Variants in NXPE4 observed in about 807,000 individuals in gnomAD.
NXPE4 encodes neurexophilin and PC-esterase domain family member 4.
Under a neutral mutation model 33.3 loss-of-function variants are expected in NXPE4, and 42 were observed. The ratio of observed to expected loss-of-function variants is 1.26; its 90% CI spans 0.98 to 1.63. NXPE4 has a LOEUF of 1.63. Ranked by LOEUF, NXPE4 falls within the 40% of genes most tolerant of loss-of-function variation. The pLI is 0.00. For missense variants in NXPE4, 709 were observed against 647.6 expected (o/e 1.09, Z -1.03); for synonymous variants, 253 against 234.9 (o/e 1.08, Z -0.71).
chr11:114,639,829 T>TA, the NXPE4 span, among the ~76,000 whole-genome samples: 1 of 88,600 alleles, frequency 1.1e-5, no homozygotes, highest in Non-Finnish European at 2.2e-5. Context: ...ATATAATATA[T>TA]ATTATATTAA....
intron 5 of NXPE4, among the ~76,000 whole-genome samples, chr11:114,577,112 C>T (rs28846239): frequency 1.5e-5 from 2 of 130,162 alleles, no homozygotes; most frequent in South Asian, 2.5e-4. Flanking sequence ...TATATATATA[C>T]ACATATATAT....
the NXPE4 span, among the ~76,000 whole-genome samples, chr11:114,615,978 C>G: frequency 6.6e-6 from 1 of 151,396 alleles, no homozygotes; most frequent in Non-Finnish European, 1.5e-5. Flanking sequence ...TAAGTATTCT[C>G]TCGTGGAAAA....
chr11:114,629,732 T>C, the NXPE4 span, among the ~76,000 whole-genome samples: 1 of 151,636 alleles, frequency 6.6e-6, no homozygotes, highest in Admixed American at 6.6e-5. Context: ...AGTCAAATTG[T>C]CCCTGTTTGC....
chr11:114,628,324 C>T, the NXPE4 span, among the ~76,000 whole-genome samples: 158 of 152,152 alleles, frequency 1.0e-3, no homozygotes, highest in African/African-American at 3.7e-3. Flanking sequence ...AACTGTCTCT[C>T]AGACCACAGT....
the NXPE4 span, among the ~76,000 whole-genome samples, chr11:114,652,961 G>A: frequency 6.6e-6 from 1 of 152,118 alleles, no homozygotes; most frequent in South Asian, 2.1e-4. Context: ...TAAAAATCTG[G>A]AGCAAACAAA....
the NXPE4 span, among the ~76,000 whole-genome samples, chr11:114,626,432 G>A: frequency 6.6e-6 from 1 of 151,822 alleles, no homozygotes; most frequent in East Asian, 1.9e-4. Flanking sequence ...ACCTCACGTG[G>A]CCGGGTACTC....
rs1454971395 is a variant in NXPE4 at position 114,580,310 on chromosome 11, G to A, written c.921C>T (p.Cys307=). ...NKETVAMKEK[C]KFGMTSTIPS... is the part of the protein sequence containing the mutation. ...GGATTGTGGATGTCATTCCAAACTTGCATTTCTCTTTCATTGCAACTGTTT... is the reference window on the plus strand; with the variant it reads ...GGATTGTGGATGTCATTCCAAACTTACATTTCTCTTTCATTGCAACTGTTT... The change falls in exon 5 of 6, where the codon TGC becomes TGT. Residue 307 remains cysteine, a synonymous_variant. Coordinates refer to ENST00000375478, the MANE Select transcript of NXPE4 (RefSeq NM_001077639.2). 3.1e-6 allele frequency: 5 copies of A among 1,613,950 alleles called. No homozygotes were observed. The highest frequency in any genetic ancestry group is 4.2e-6 in the Non-Finnish European group (5 of 1,179,914).
the NXPE4 span, among the ~76,000 whole-genome samples, chr11:114,651,373 T>A: frequency 6.6e-6 from 1 of 152,142 alleles, no homozygotes; most frequent in Non-Finnish European, 1.5e-5. Context: ...TCCTGGTGGG[T>A]TCGTGGTCTC....
the NXPE4 span, among the ~76,000 whole-genome samples, chr11:114,677,272 C>T: frequency 1.6e-4 from 25 of 152,034 alleles, no homozygotes; most frequent in East Asian, 1.9e-4. Context: ...AGATCTTAAG[C>T]GTTCTCACCA....
chr11:114,670,842 AT>A, the NXPE4 span, among the ~76,000 whole-genome samples: 1 of 151,778 alleles, frequency 6.6e-6, no homozygotes, highest in Admixed American at 6.6e-5. Flanking sequence ...ACAGGAGAGA[AT>A]GACTCACGAA....
the NXPE4 span, among the ~76,000 whole-genome samples, chr11:114,666,526 CTT>C: frequency 6.6e-6 from 1 of 152,180 alleles, no homozygotes; most frequent in East Asian, 1.9e-4. Context: ...AGGTAATTCT[CTT>C]TTTTTCAGAA....
the NXPE4 span, among the ~76,000 whole-genome samples, chr11:114,633,140 T>C: frequency 1.6e-5 from 2 of 126,506 alleles, no homozygotes; most frequent in Admixed American, 8.8e-5. Flanking sequence ...TTTCATATAT[T>C]ATTTTATATA....
the NXPE4 span, among the ~76,000 whole-genome samples, chr11:114,614,777 C>A: frequency 6.6e-6 from 1 of 150,864 alleles, no homozygotes; most frequent in South Asian, 2.1e-4. Flanking sequence ...TCATGGGTAA[C>A]CATTGTTACC....
chr11:114,583,584 A>G (rs943872810), intron 2 of NXPE4: 25 of 595,472 alleles, frequency 4.2e-5, no homozygotes, highest in Admixed American at 3.2e-4. Flanking sequence ...GACTTCTGTC[A>G]GTTGTCTACT....
the NXPE4 span, among the ~76,000 whole-genome samples, chr11:114,658,038 A>G: frequency 6.6e-6 from 1 of 152,170 alleles, no homozygotes; most frequent in Non-Finnish European, 1.5e-5. Context: ...TTGTCTTCCT[A>G]ACATAATTTT....
At chr11:114,595,414 C>G (rs1308461052) in intron 1 of NXPE4, among the ~76,000 whole-genome samples, 178 bp downstream of exon 1, 1 of 152,112 alleles carries the variant, frequency 6.6e-6, no homozygotes, top group East Asian at 1.9e-4. Flanking sequence ...TAAACTTTAA[C>G]ATCAGATTGC....
the NXPE4 span, among the ~76,000 whole-genome samples, chr11:114,666,411 T>C: frequency 6.6e-6 from 1 of 152,130 alleles, no homozygotes; most frequent in Non-Finnish European, 1.5e-5. Context: ...GGGAAATTGA[T>C]TAAAAAATCA....
At chr11:114,649,049 G>A in the NXPE4 span, among the ~76,000 whole-genome samples, 135 of 151,714 alleles carry the variant, frequency 8.9e-4, no homozygotes, top group African/African-American at 3.1e-3. Flanking sequence ...TTATGTAACT[G>A]GTCACATGGT....
At position 114,573,346 on chromosome 11, in the gene NXPE4, G is replaced by A. The variant is rs546444533; in HGVS notation, c.1100-1873C>T. Reference sequence around the variant, plus strand: ...AACAAGTAGCACAATGAATAGAATAGTATCTTATATCTCAATGCTAATATT... The same window carrying A: ...AACAAGTAGCACAATGAATAGAATAATATCTTATATCTCAATGCTAATATT... On this transcript the variant is annotated intron_variant, in intron 5 of 5. Transcript: ENST00000375478. Among the ~76,000 whole-genome samples, 4 of 152,192 alleles carry A rather than the reference G, an allele frequency of 2.6e-5. No homozygotes were observed. In the South Asian group the frequency reaches 8.3e-4, roughly 32 times the overall value.
Sources: gnomAD v4.1 joint callset for allele counts (sites outside exome capture counted in the v4.1 genomes callset) on GRCh38, gnomAD v4.1.1 for gene constraint, MANE v1.5 for transcripts, NCBI Gene and HGNC (gene_info 2026-07-23, HGNC 2026-07-21) for gene names.